The following BIRC6 variants were observed in gnomAD, a reference collection of about 807,000 sequenced individuals.
BIRC6 encodes dual E2 ubiquitin-conjugating enzyme/E3 ubiquitin-protein ligase BIRC6.
In BIRC6, 98 loss-of-function variants were observed where a neutral mutation model predicts 503.3. That is an observed-to-expected ratio of 0.19 (90% CI 0.17 to 0.23). The LOEUF is 0.23. Among genes scored for constraint, BIRC6 ranks in the 10% least tolerant of loss-of-function variants. BIRC6 has a pLI of 1.00. For synonymous variants in BIRC6, 2,240 were observed against 2,078.7 expected, an observed-to-expected ratio of 1.08 and a Z score of -2.11; for missense variants, 5,360 against 5,806.0, an observed-to-expected ratio of 0.92 and a Z score of 2.50.
rs2060323837 is a variant in BIRC6, at chr2:32,577,136, C to G, written c.13355+1770C>G. ...TGATTGTCTCATTGAGCTAATGCCT[C>G]CTTGAGAAGTGTCTACTAAAACATC... On this transcript the variant is annotated intron_variant, in intron 66 of 73. Coordinates refer to ENST00000421745, the MANE Select transcript of BIRC6 (RefSeq NM_016252.4). Among the ~76,000 whole-genome samples, 4 of 152,022 alleles carry G rather than the reference C, an allele frequency of 2.6e-5. No individual in the cohort carries two copies. In the South Asian group the frequency reaches 8.3e-4, roughly 31 times the overall value.
chr2:32,378,482 G>A (rs2037159178), intron 2 of BIRC6, among the ~76,000 whole-genome samples: 1 of 150,624 alleles, frequency 6.6e-6, no homozygotes, highest in Non-Finnish European at 1.5e-5. Flanking sequence ...CTTTGAGTCA[G>A]AGTCTTGCTC....
chr2:32,617,581 T>G, intron 73 of BIRC6, 144 bp from the exon 74 acceptor site: 2 of 831,200 alleles, frequency 2.4e-6, no homozygotes, highest in South Asian at 4.4e-5. Context: ...ATCAAGTGCC[T>G]GTAACAGTAG....
intron 22 of BIRC6, among the ~76,000 whole-genome samples, chr2:32,453,087 T>A (rs897546550): frequency 1.3e-5 from 2 of 150,534 alleles, no homozygotes; most frequent in Admixed American, 6.6e-5. Context: ...AAAAAAAAAA[T>A]TGCAAAGTAG....
At chr2:32,574,867 G>T in intron 65 of BIRC6, 2 of 393,830 alleles carry the variant, frequency 5.1e-6, no homozygotes, top group Non-Finnish European at 9.6e-6. Flanking sequence ...TCCTGCCTCA[G>T]CCTCCGAGTA....
chr2:32,377,789 A>G lies in BIRC6; in HGVS notation c.507+20A>G, dbSNP rs965888804. On this transcript the variant is annotated intron_variant, in intron 2 of 73. Coordinates refer to ENST00000421745, the MANE Select transcript of BIRC6 (RefSeq NM_016252.4). The stretch of plus-strand genomic sequence containing the variant: ...ACAGAGGTAAGTTGAAATAAGTATC[A>G]ATGTGGTCCTCTACTTAATGTAATC... 1.3e-5 allele frequency: 21 copies of G among 1,591,940 alleles called. No individual in the cohort carries two copies. Among genetic ancestry groups the G allele is most frequent in the Admixed American group, 1.7e-5 (1 of 57,394 alleles).
At chr2:32,604,890 CTTTTCT>C (rs1467673191) in intron 71 of BIRC6, among the ~76,000 whole-genome samples, 1 of 139,428 alleles carries the variant, frequency 7.2e-6, no homozygotes, top group Non-Finnish European at 1.5e-5. Flanking sequence ...TTTTTCTTTT[CTTTTCT>C]TTTTTTTTTT....
intron 72 of BIRC6, among the ~76,000 whole-genome samples, chr2:32,608,381 T>C (rs1048556003): frequency 9.2e-5 from 14 of 152,138 alleles, no homozygotes; most frequent in Non-Finnish European, 1.6e-4. Flanking sequence ...TTTTTTCCTT[T>C]CCTTTCCTTT....
chr2:32,508,251 C>A lies in BIRC6; in HGVS notation c.9972C>A (p.Ser3324=). Residue 3324 remains serine (S), a synonymous_variant, in exon 51 of 74, where the codon TCC becomes TCA. Coordinates refer to ENST00000421745, the MANE Select transcript of BIRC6 (RefSeq NM_016252.4). ...TCCTTCCATCTGAAGATCAGGTATC[C>A]AAAACAAGGTATGTTTTGTTTGTCC... ...NPFLPSEDQV[S]KTSIGWLRLL... 9.0e-7 allele frequency: 1 copy of A among 1,114,796 alleles called. No homozygotes were observed. Among genetic ancestry groups the A allele is most frequent in the Non-Finnish European group, 1.3e-6 (1 of 780,824 alleles). The allele number at this position is 1,114,796 out of a possible 1,614,324, so 69.1% of individuals were successfully genotyped here.
At chr2:32,583,363 C>T (rs1213699751) in intron 66 of BIRC6, among the ~76,000 whole-genome samples, 1 of 152,080 alleles carries the variant, frequency 6.6e-6, no homozygotes, top group Non-Finnish European at 1.5e-5. Flanking sequence ...TTTCCTAATA[C>T]CCCCTTTCAA....
chr2:32,533,296 G>A (rs189575194), intron 61 of BIRC6, among the ~76,000 whole-genome samples: 19 of 152,318 alleles, frequency 1.2e-4, no homozygotes, highest in African/African-American at 4.6e-4. Flanking sequence ...AATGAACTTG[G>A]ATGTAATGAA....
chr2:32,582,649 C>T lies in BIRC6; in HGVS notation c.13355+7283C>T, dbSNP rs531342291. Among the ~76,000 whole-genome samples, 26 of 152,186 alleles carry T rather than the reference C, an allele frequency of 1.7e-4. No individual in the cohort carries two copies. In the South Asian group the frequency reaches 5.4e-3, roughly 32 times the overall value. The stretch of plus-strand genomic sequence containing the variant: ...GTGTGGTGGCACGCACCCGTAATCC[C>T]AGCTACCGAGGCAGGAGAATCACTT... On this transcript the variant is annotated intron_variant, in intron 66 of 73. Coordinates refer to ENST00000421745, the MANE Select transcript of BIRC6 (RefSeq NM_016252.4).
intron 43 of BIRC6, among the ~76,000 whole-genome samples, chr2:32,490,741 TA>T (rs1167150946): frequency 6.6e-6 from 1 of 152,226 alleles, no homozygotes; most frequent in Non-Finnish European, 1.5e-5. Flanking sequence ...TCTAAGTTTT[TA>T]TGTTATTCTT....
At chr2:32,413,507 C>T (rs184525733) in intron 9 of BIRC6, among the ~76,000 whole-genome samples, 18 of 151,568 alleles carry the variant, frequency 1.2e-4, no homozygotes, top group African/African-American at 4.4e-4. Context: ...TTAGTAGAGG[C>T]GGGGTTTTGC....
chr2:32,412,720 A>G (rs544412066), intron 9 of BIRC6, among the ~76,000 whole-genome samples: 40 of 152,066 alleles, frequency 2.6e-4, no homozygotes, highest in Admixed American at 9.8e-4. Flanking sequence ...TAATCAGCAG[A>G]GGATGGGGTG....
At chr2:32,499,171 A>G (rs2052849098) in intron 45 of BIRC6, among the ~76,000 whole-genome samples, 1 of 152,256 alleles carries the variant, frequency 6.6e-6, no homozygotes, top group African/African-American at 2.4e-5. Context: ...ATCAGTAGGA[A>G]ATGTTTACAA....
At chr2:32,398,992 A>G (rs2040293560) in intron 6 of BIRC6, among the ~76,000 whole-genome samples, 1 of 152,162 alleles carries the variant, frequency 6.6e-6, no homozygotes, top group Non-Finnish European at 1.5e-5. Flanking sequence ...AGCATGTTTT[A>G]TGTGTAAAGT....
chr2:32,592,210 G>A (rs2061426720), intron 66 of BIRC6, among the ~76,000 whole-genome samples: 1 of 152,160 alleles, frequency 6.6e-6, no homozygotes, highest in Non-Finnish European at 1.5e-5. Flanking sequence ...CATCTGCCAA[G>A]TCATTTCCTG....
rs1401653507 is a variant in BIRC6 at position 32,481,404 on chromosome 2, C to A, written c.7493C>A (p.Pro2498His). The change falls in exon 38 of 74, where the codon CCT becomes CAT. Residue 2498 changes from proline to histidine, a missense_variant. Transcript: ENST00000421745. ...GATCTAATGGAAGTTGACATTGATC[C>A]TTTAGATATTGATTTGGAAAAGGAC... is the stretch of plus-strand genomic sequence containing the variant. ...LQDLMEVDID[P>H]LDIDLEKDPL... 10 of 1,611,424 alleles carry A rather than the reference C, an allele frequency of 6.2e-6. No homozygotes were observed. Among genetic ancestry groups the A allele is most frequent in the Non-Finnish European group, 8.5e-6 (10 of 1,178,718 alleles).
chr2:32,496,155 C>T (rs1040714174), intron 45 of BIRC6, among the ~76,000 whole-genome samples: 3 of 151,872 alleles, frequency 2.0e-5, no homozygotes, highest in Non-Finnish European at 4.4e-5. Context: ...TTTGAAAATA[C>T]TTTCCTTTTT....
Sources: allele counts gnomAD v4.1 joint callset (sites outside exome capture counted in the v4.1 genomes callset), GRCh38; gene constraint gnomAD v4.1.1; transcripts MANE v1.5; gene names NCBI Gene and HGNC (gene_info 2026-07-23, HGNC 2026-07-21).